The following MEX3C variants were observed in gnomAD, a reference collection of about 807,000 sequenced individuals.
MEX3C encodes mex-3 RNA binding family member C.
A neutral mutation model predicts 35.5 loss-of-function variants in MEX3C; 15 were observed. The observed-to-expected ratio is 0.42, with a 90% confidence interval of 0.28 to 0.65. The LOEUF (loss-of-function observed/expected upper bound fraction) is 0.65, where lower values mean the gene tolerates loss of function less well. Among genes scored for constraint, MEX3C ranks in the 30% least tolerant of loss-of-function variants. The pLI, the probability that MEX3C is intolerant of heterozygous loss-of-function variation, is 0.20. For missense variants in MEX3C, 711 were observed against 842.8 expected (o/e 0.84, Z 1.94); for synonymous variants, 390 against 352.8 (o/e 1.11, Z -1.18).
At chr18:51,187,045 A>G (rs538714669) in intron 1 of MEX3C, among the ~76,000 whole-genome samples, 1 of 152,260 alleles carries the variant, frequency 6.6e-6, no homozygotes, top group Admixed American at 6.5e-5. Flanking sequence ...TCTTACCTTC[A>G]AGAAAAATAA....
intron 1 of MEX3C, among the ~76,000 whole-genome samples, chr18:51,178,308 T>C (rs1236220333): frequency 6.6e-6 from 1 of 152,112 alleles, no homozygotes; most frequent in Non-Finnish European, 1.5e-5. Context: ...CCTAAGTATA[T>C]TTAAGTTAAA....
Position 51,176,795 on chromosome 18 carries a change from T to C in MEX3C, c.1536A>G (p.Pro512=), listed in dbSNP as rs1316118165. ...CAGAGAGTGGGTTAACTGGTTCAAA[T>C]GGAGTCCAGATAGTTTGAGCAGATG... ...LPTSAQTIWT[P]FEPVNPLSGF... is the part of the protein sequence containing the mutation. Residue 512 remains proline, a synonymous_variant, in exon 2 of 2, where the codon CCA becomes CCG. Transcript: ENST00000406189. 2.5e-6 allele frequency: 4 copies of C among 1,613,964 alleles called. No homozygotes were observed. The highest frequency in any genetic ancestry group is 3.4e-6 in the Non-Finnish European group (4 of 1,179,886).
At chr18:51,188,612 T>C (rs1265631880) in intron 1 of MEX3C, among the ~76,000 whole-genome samples, 1 of 141,020 alleles carries the variant, frequency 7.1e-6, no homozygotes, top group African/African-American at 2.7e-5. Flanking sequence ...AAAAAAAAAA[T>C]TAAAAAAAAT....
Position 51,176,061 on chromosome 18 carries a change from T to A in MEX3C, c.*290A>T, listed in dbSNP as rs926721103. 21 of 278,698 alleles carry A rather than the reference T, an allele frequency of 7.5e-5. No individual in the cohort carries two copies. Among genetic ancestry groups the A allele is most frequent in the Admixed American group, 3.8e-4 (8 of 21,230 alleles). 17.3% of individuals were successfully genotyped at this position (278,698 alleles called of 1,614,324 possible). A position where few individuals can be genotyped will look rare whatever the true frequency, so the allele number is the denominator to read the frequency against. ...TTCATAGGCTCACACAACCTATGAT[T>A]ATCTTCACTCAGCCAAGTTGAACTT... On this transcript the variant is annotated 3_prime_UTR_variant, in exon 2 of 2. Coordinates refer to ENST00000406189, the MANE Select transcript of MEX3C (RefSeq NM_016626.5).
rs781297244 is a variant in MEX3C at position 51,175,179 on chromosome 18, G to A, written c.*1172C>T. On this transcript the variant is annotated 3_prime_UTR_variant, in exon 2 of 2. Transcript: ENST00000406189. ...TATACCGAGAAAAAAGCTCTTTTGT[G>A]TTGGGAAAATAATGCTTCAAAAAAT... 6 of 152,528 alleles carry A rather than the reference G, an allele frequency of 3.9e-5. No homozygotes were observed. Among genetic ancestry groups the A allele is most frequent in the Admixed American group, 3.3e-4 (5 of 15,272 alleles). The allele number at this position is 152,528 out of a possible 1,614,324, so 9.4% of individuals were successfully genotyped here.
intron 1 of MEX3C, among the ~76,000 whole-genome samples, chr18:51,191,557 G>A (rs1012319400): frequency 2.6e-5 from 4 of 152,158 alleles, no homozygotes; most frequent in East Asian, 1.9e-4. Context: ...TCAGATATCC[G>A]TTGGTTCTAG....
intron 1 of MEX3C, among the ~76,000 whole-genome samples, chr18:51,187,220 C>T (rs971015153): frequency 2.0e-5 from 3 of 152,098 alleles, no homozygotes; most frequent in African/African-American, 4.8e-5. Flanking sequence ...CCTTTTCCTC[C>T]CTGAGTTATC....
chr18:51,195,600 C>G (rs1692428919), intron 1 of MEX3C: 1 of 152,176 alleles, frequency 6.6e-6, no homozygotes, highest in Non-Finnish European at 1.5e-5. Context: ...CAGGCTAAAC[C>G]ACATTGTCAT....
intron 1 of MEX3C, among the ~76,000 whole-genome samples, chr18:51,187,636 A>C (rs1329280402): frequency 6.6e-6 from 1 of 152,128 alleles, no homozygotes; most frequent in African/African-American, 2.4e-5. Flanking sequence ...CGAACCCGGG[A>C]GGCGGAGGTT....
chr18:51,197,444 C>G lies in MEX3C; in HGVS notation c.-124G>C, dbSNP rs530536326. 6.6e-6 allele frequency: 1 copy of G among 152,142 alleles called. No homozygotes were observed. 9.4% of individuals were successfully genotyped at this position (152,142 alleles called of 1,614,324 possible). A position where few individuals can be genotyped will look rare whatever the true frequency, so the allele number is the denominator to read the frequency against. On this transcript the variant is annotated 5_prime_UTR_variant, in exon 1 of 2. Coordinates refer to ENST00000406189, the MANE Select transcript of MEX3C (RefSeq NM_016626.5). ...AAACACCTTTCCTCTGGGGAGGCGGCGGGGCTGGGGACCCGGGCCGAGGAG... is the reference window on the plus strand; with the variant it reads ...AAACACCTTTCCTCTGGGGAGGCGGGGGGGCTGGGGACCCGGGCCGAGGAG...
chr18:51,191,706 T>C (rs1912652630), intron 1 of MEX3C, among the ~76,000 whole-genome samples: 1 of 152,194 alleles, frequency 6.6e-6, no homozygotes, highest in Non-Finnish European at 1.5e-5. Context: ...CAGTTTCATA[T>C]ATGTCGATTT....
Position 51,177,636 on chromosome 18 carries a change from C to A in MEX3C, c.755-60G>T. On this transcript the variant is annotated intron_variant, in intron 1 of 1. Transcript: ENST00000406189. The surrounding 1 kb of genome is among the most constrained non-coding windows in gnomAD (Gnocchi z 4.2). Reference sequence around the variant, plus strand: ...TCTACTTCAATGATATATATAAAGACAAATCACAGAATGCACCTTTTAAGC... The same window carrying A: ...TCTACTTCAATGATATATATAAAGAAAAATCACAGAATGCACCTTTTAAGC... 6.7e-7 allele frequency: 1 copy of A among 1,495,386 alleles called. No individual in the cohort carries two copies. The highest frequency in any genetic ancestry group is 8.9e-7 in the Non-Finnish European group (1 of 1,118,706). The allele number at this position is 1,495,386 out of a possible 1,614,324, so 92.6% of individuals were successfully genotyped here.
rs569989744 is a variant in MEX3C at position 51,183,513 on chromosome 18, C to T, written c.755-5937G>A. Among the ~76,000 whole-genome samples, 11 of 152,334 alleles carry T rather than the reference C, an allele frequency of 7.2e-5. No homozygotes were observed. In the South Asian group the frequency reaches 2.3e-3, roughly 32 times the overall value. ...TAGGCAGAATCCTAAGATGGCTCCT[C>T]AAGATTCCTGGGCCTAGTATGTACA... On this transcript the variant is annotated intron_variant, in intron 1 of 1. Coordinates refer to ENST00000406189, the MANE Select transcript of MEX3C (RefSeq NM_016626.5).
rs1912844249 is a variant in MEX3C at position 51,197,430 on chromosome 18, C to T, written c.-110G>A. 6.4e-6 allele frequency: 1 copy of T among 155,894 alleles called. No individual in the cohort carries two copies. The highest frequency in any genetic ancestry group is 2.4e-5 in the African/African-American group (1 of 41,306). The allele number at this position is 155,894 out of a possible 1,614,324, so 9.7% of individuals were successfully genotyped here. A position where few individuals can be genotyped will look rare whatever the true frequency, so the allele number is the denominator to read the frequency against. ...CCTGCTCAGCTCGCAAACACCTTTC[C>T]TCTGGGGAGGCGGCGGGGCTGGGGA... On this transcript the variant is annotated 5_prime_UTR_variant, in exon 1 of 2. Transcript: ENST00000406189.
At chr18:51,179,263 A>C (rs1179137734) in intron 1 of MEX3C, among the ~76,000 whole-genome samples, 2 of 152,128 alleles carry the variant, frequency 1.3e-5, no homozygotes, top group African/African-American at 2.4e-5. Flanking sequence ...TCGGCCTCCC[A>C]AAGTGCTGGA....
At position 51,196,979 on chromosome 18, in the gene MEX3C, C is replaced by T. The variant is rs536998307; in HGVS notation, c.342G>A (p.Glu114=). ...AELELEEDEE[E]GEEAELDGDL... ...CTCCGTCCAGCTCCGCTTCCTCCCC[C>T]TCCTCCTCGTCCTCTTCCAGCTCCA... The change falls in exon 1 of 2, where the codon GAG becomes GAA. Residue 114 remains glutamate, a synonymous_variant. Transcript: ENST00000406189. The T allele has an allele frequency of 7.8e-6, 12 of 1,539,652 alleles. No homozygotes were observed. Among genetic ancestry groups the T allele is most frequent in the African/African-American group, 7.0e-5 (5 of 71,628 alleles).
intron 1 of MEX3C, among the ~76,000 whole-genome samples, chr18:51,185,278 A>G (rs1268672754): frequency 1.3e-5 from 2 of 152,200 alleles, no homozygotes; most frequent in East Asian, 3.8e-4. Context: ...CCCAGCTTCT[A>G]GAGGCCACCT....
rs367686399 is a variant in MEX3C at position 51,196,892 on chromosome 18, C to T, written c.429G>A (p.Leu143=). ...AGGCGGTGGCCGCGGGCGGCGACAG[C>T]AGCAGCAGCGACGACCGGTCCTCCT... ...AEEEDRSSLL[L]LSPPAATASQ... is the part of the protein sequence containing the mutation. The change falls in exon 1 of 2, where the codon CTG becomes CTA. Residue 143 remains leucine (L), a synonymous_variant. Coordinates refer to ENST00000406189, the MANE Select transcript of MEX3C (RefSeq NM_016626.5). 1.7e-5 allele frequency: 26 copies of T among 1,541,592 alleles called. No individual in the cohort carries two copies. The highest frequency in any genetic ancestry group is 2.1e-5 in the Non-Finnish European group (24 of 1,145,938).
intron 1 of MEX3C, among the ~76,000 whole-genome samples, chr18:51,191,655 T>C (rs544313938): frequency 1.3e-5 from 2 of 152,304 alleles, no homozygotes; most frequent in African/African-American, 2.4e-5. Flanking sequence ...TCCAAATTAA[T>C]TTCAGATTTA....
Sources: gnomAD v4.1 joint callset for allele counts (sites outside exome capture counted in the v4.1 genomes callset) on GRCh38, gnomAD v4.1.1 for gene constraint, Gnocchi (gnomAD v3.1) non-coding constraint, MANE v1.5 for transcripts, NCBI Gene and HGNC (gene_info 2026-07-23, HGNC 2026-07-21) for gene names.